Variants in CTNNA3 observed in about 807,000 individuals in gnomAD.
The protein encoded by CTNNA3 is catenin alpha-3.
In CTNNA3, 76 loss-of-function variants were observed where a neutral mutation model predicts 95.7. The ratio of observed to expected loss-of-function variants is 0.79; its 90% CI spans 0.66 to 0.96. The LOEUF is 0.96. Among genes scored for constraint, CTNNA3 ranks in the 40% least tolerant of loss-of-function variants. The pLI is 0.00. For missense variants in CTNNA3, 1,191 were observed against 1,089.8 expected, an observed-to-expected ratio of 1.09 and a Z score of -1.31; for synonymous variants, 431 against 374.4, an observed-to-expected ratio of 1.15 and a Z score of -1.74.
intron 9 of CTNNA3, among the ~76,000 whole-genome samples, chr10:66,695,949 C>T (rs1589137433): frequency 6.7e-6 from 1 of 148,642 alleles, no homozygotes; most frequent in African/African-American, 2.5e-5. Flanking sequence ...ATTTTTCTAA[C>T]TAGTTTTCAG....
chr10:66,984,647 G>A (rs549675687), intron 7 of CTNNA3, among the ~76,000 whole-genome samples: 15 of 152,202 alleles, frequency 9.9e-5, no homozygotes, highest in Admixed American at 9.2e-4. Flanking sequence ...AATATAGCCT[G>A]CAGAAGTTTT....
chr10:66,189,116 G>A (rs758297776), intron 13 of CTNNA3, among the ~76,000 whole-genome samples: 2 of 151,458 alleles, frequency 1.3e-5, no homozygotes, highest in African/African-American at 2.4e-5. Context: ...CATATATATT[G>A]GATACTAACA....
intron 9 of CTNNA3, chr10:66,766,036 C>T: frequency 4.9e-6 from 2 of 409,350 alleles, no homozygotes; most frequent in Non-Finnish European, 8.8e-6. Flanking sequence ...TGCATTTAGC[C>T]AGTTCCTTTG....
At chr10:67,583,912 G>T (rs1354266995) in intron 3 of CTNNA3, among the ~76,000 whole-genome samples, 3 of 152,084 alleles carry the variant, frequency 2.0e-5, no homozygotes, top group Admixed American at 2.0e-4. Flanking sequence ...AGCTCTATCA[G>T]GTCATTTAAG....
At chr10:66,793,308 A>G (rs185332062) in intron 7 of CTNNA3, among the ~76,000 whole-genome samples, 1 of 151,510 alleles carries the variant, frequency 6.6e-6, no homozygotes, top group African/African-American at 2.4e-5. Context: ...CACCCAGAAA[A>G]TTTTTTTCTA....
intron 7 of CTNNA3, among the ~76,000 whole-genome samples, chr10:66,912,263 G>T (rs899544783): frequency 6.6e-6 from 1 of 151,886 alleles, no homozygotes; most frequent in African/African-American, 2.4e-5. Flanking sequence ...ATCAAATTCA[G>T]GTTTTCTAGT....
chr10:67,300,376 T>A (rs1038080808), intron 5 of CTNNA3, among the ~76,000 whole-genome samples: 2 of 152,178 alleles, frequency 1.3e-5, no homozygotes, highest in African/African-American at 4.8e-5. Flanking sequence ...CCTACAGTCA[T>A]CTCCTTCCTA....
At chr10:66,548,043 G>A (rs1442483343) in intron 10 of CTNNA3, among the ~76,000 whole-genome samples, 1 of 151,806 alleles carries the variant, frequency 6.6e-6, no homozygotes, top group African/African-American at 2.4e-5. Flanking sequence ...AGCCTCCCCA[G>A]TAGTTGGGAT....
chr10:67,700,276 T>C (rs1841025567), upstream of CTNNA3, among the ~76,000 whole-genome samples: 1 of 152,142 alleles, frequency 6.6e-6, no homozygotes, highest in Non-Finnish European at 1.5e-5. Flanking sequence ...GAGCAGTGGT[T>C]CTCCCAGCAC....
chr10:67,692,737 A>T (rs898388408), intron 1 of CTNNA3, among the ~76,000 whole-genome samples: 31 of 57,192 alleles, frequency 5.4e-4, no homozygotes, highest in African/African-American at 2.7e-3. Context: ...AATGATCAAT[A>T]AAAAAAAAAA....
intron 13 of CTNNA3, among the ~76,000 whole-genome samples, chr10:66,271,581 C>T (rs2091282031): frequency 6.6e-6 from 1 of 152,162 alleles, no homozygotes; most frequent in Admixed American, 6.5e-5. Flanking sequence ...TAACCGTCTT[C>T]CCCATATTAC....
intron 9 of CTNNA3, among the ~76,000 whole-genome samples, chr10:66,623,228 C>T (rs991462410): frequency 1.6e-4 from 24 of 151,928 alleles, no homozygotes; most frequent in African/African-American, 5.8e-4. Flanking sequence ...AAATACTGAC[C>T]TGTAAAATTG....
chr10:67,740,027 T>C (rs544620037), intron 1 of CTNNA3, among the ~76,000 whole-genome samples: 1 of 152,282 alleles, frequency 6.6e-6, no homozygotes, highest in East Asian at 1.9e-4. Context: ...ATCTGATCTT[T>C]GACAAACCTG....
At chr10:66,613,892 C>A (rs1844417340) in intron 10 of CTNNA3, among the ~76,000 whole-genome samples, 2 of 151,922 alleles carry the variant, frequency 1.3e-5, no homozygotes, top group African/African-American at 4.8e-5. Context: ...AACAAAACAT[C>A]CATCATCATC....
intron 9 of CTNNA3, among the ~76,000 whole-genome samples, chr10:66,651,667 G>A (rs1251769354): frequency 7.6e-5 from 7 of 91,850 alleles, no homozygotes; most frequent in East Asian, 7.0e-4. Context: ...GGCCGGCACT[G>A]CTGGGGGACC....
At chr10:66,875,099 T>C (rs2132450822) in intron 7 of CTNNA3, among the ~76,000 whole-genome samples, 1 of 152,220 alleles carries the variant, frequency 6.6e-6, no homozygotes, top group South Asian at 2.1e-4. Flanking sequence ...GTGGTGCTGA[T>C]GACGAATTTG....
At chr10:66,571,400 TGG>T (rs1208849821) in intron 10 of CTNNA3, among the ~76,000 whole-genome samples, 1 of 152,194 alleles carries the variant, frequency 6.6e-6, no homozygotes, top group Non-Finnish European at 1.5e-5. Context: ...TTGTTTCACT[TGG>T]TCTACATAAT....
rs11813018 is a variant in CTNNA3, at chr10:66,330,075, T to C, written c.1732+49077A>G. Among the ~76,000 whole-genome samples the C allele has an allele frequency of 5.8e-3, 882 of 152,186 alleles. 8 individuals are homozygous for C. The highest frequency in any genetic ancestry group is 0.019 in the African/African-American group (791 of 41,548). ...AAAAAGAAGTAAGCACATATTTCTT[T>C]TTTTTATTATACTGTAAGTTTTAGG... On this transcript the variant is annotated intron_variant, in intron 12 of 17. Coordinates refer to ENST00000433211, the MANE Select transcript of CTNNA3 (RefSeq NM_013266.4).
At chr10:66,012,849 A>AT (rs1256312194) in intron 15 of CTNNA3, among the ~76,000 whole-genome samples, 15 of 152,162 alleles carry the variant, frequency 9.9e-5, no homozygotes, top group African/African-American at 3.1e-4. Flanking sequence ...TTCAACAAAA[A>AT]TCTGCTGAAT....
Sources: allele counts gnomAD v4.1 joint callset (sites outside exome capture counted in the v4.1 genomes callset), GRCh38; gene constraint gnomAD v4.1.1; transcripts MANE v1.5; gene names NCBI Gene and HGNC (gene_info 2026-07-23, HGNC 2026-07-21).